GRID1: variants seen among roughly 807,000 people sequenced by gnomAD.
The protein encoded by GRID1 is glutamate receptor ionotropic, delta-1.
A neutral mutation model predicts 98.0 loss-of-function variants in GRID1; 28 were observed. The ratio of observed to expected loss-of-function variants is 0.29; its 90% CI spans 0.21 to 0.39. The LOEUF (loss-of-function observed/expected upper bound fraction) is 0.39, where lower values mean the gene tolerates loss of function less well. Among genes scored for constraint, GRID1 ranks in the 10% least tolerant of loss-of-function variants. The probability of loss-of-function intolerance (pLI) is 1.00; values close to 1 mark genes in which losing one functional copy is unlikely to be tolerated. For synonymous variants in GRID1, 553 were observed against 538.5 expected (o/e 1.03, Z -0.37); for missense variants, 1,111 against 1,340.5 (o/e 0.83, Z 2.67).
chr10:86,252,760 C>T (rs989859214), intron 2 of GRID1, among the ~76,000 whole-genome samples: 3 of 152,200 alleles, frequency 2.0e-5, no homozygotes, highest in African/African-American at 7.2e-5. Flanking sequence ...ACATTACCGT[C>T]TCTGGGGGCC....
chr10:85,984,504 C>T (rs1589324644), intron 4 of GRID1, among the ~76,000 whole-genome samples: 1 of 152,140 alleles, frequency 6.6e-6, no homozygotes, highest in East Asian at 1.9e-4. Flanking sequence ...TCCCCAGCAC[C>T]TGCAGGCAGG....
chr10:86,112,711 A>G (rs1310454280), intron 4 of GRID1, among the ~76,000 whole-genome samples: 1 of 152,174 alleles, frequency 6.6e-6, no homozygotes, highest in Non-Finnish European at 1.5e-5. Flanking sequence ...ACAACACAAA[A>G]GTGATGCTGA....
chr10:86,331,036 G>A (rs569832575), intron 2 of GRID1, among the ~76,000 whole-genome samples: 1 of 152,276 alleles, frequency 6.6e-6, no homozygotes, highest in African/African-American at 2.4e-5. Flanking sequence ...ATGAGAGAAG[G>A]GCCACCAGGG....
Position 85,786,748 on chromosome 10 carries a change from A to AC in GRID1, c.1234-57135dup, listed in dbSNP as rs1042519927. ...AGGGCCGATTAGATTAGCATGCCCCACCCCCCGCCAGGACCCGGCTGATAG... is the reference window on the plus strand; with the variant it reads ...AGGGCCGATTAGATTAGCATGCCCCACCCCCCCGCCAGGACCCGGCTGATAG... On this transcript the variant is annotated intron_variant, in intron 8 of 15. Transcript: ENST00000327946. Among the ~76,000 whole-genome samples, 11 of 152,102 alleles carry AC rather than the reference A, an allele frequency of 7.2e-5. No homozygotes were observed. In the East Asian group the frequency reaches 1.9e-3, roughly 27 times the overall value.
At chr10:86,158,626 G>A (rs1481772266) in intron 3 of GRID1, among the ~76,000 whole-genome samples, 5 of 152,222 alleles carry the variant, frequency 3.3e-5, no homozygotes, top group Admixed American at 3.3e-4. Context: ...CAATCTGGGA[G>A]GCCATGGGAT....
At chr10:86,150,814 C>G (rs11817787) in intron 3 of GRID1, among the ~76,000 whole-genome samples, 10,083 of 152,208 alleles carry the variant, frequency 0.066, 631 homozygotes, top group South Asian at 0.15. Flanking sequence ...TTCTCTCCAC[C>G]AGGTGCGCAC....
chr10:86,213,836 G>T (rs1051785059), intron 2 of GRID1, among the ~76,000 whole-genome samples: 2 of 152,126 alleles, frequency 1.3e-5, no homozygotes, highest in African/African-American at 4.8e-5. Flanking sequence ...GTGTGAGTCT[G>T]TTCTTCCCGG....
In GRID1 at chr10:86,336,848, A is replaced by ATTTT. The variant is rs4030750; in HGVS notation, c.235+27089_235+27092dup. Among the ~76,000 whole-genome samples, 280 of 143,930 alleles carry ATTTT rather than the reference A, an allele frequency of 1.9e-3. 3 individuals are homozygous for ATTTT. The highest frequency in any genetic ancestry group is 6.3e-3 in the African/African-American group (243 of 38,782). 94.4% of individuals were successfully genotyped at this position (143,930 alleles called of 152,430 possible). Reference sequence around the variant, plus strand: ...AGCCCTGCTGACTGCCTGGCCCACTATTTTTTTTTTTTTTGAGACGGAGTC... The same window carrying ATTTT: ...AGCCCTGCTGACTGCCTGGCCCACTATTTTTTTTTTTTTTTTTTGAGACGGAGTC... On this transcript the variant is annotated intron_variant, in intron 2 of 15. Coordinates refer to ENST00000327946, the MANE Select transcript of GRID1 (RefSeq NM_017551.3).
intron 8 of GRID1, among the ~76,000 whole-genome samples, chr10:85,842,449 T>A (rs1238671682): frequency 6.6e-6 from 1 of 152,044 alleles, no homozygotes; most frequent in East Asian, 1.9e-4. Flanking sequence ...AGCCTAAACA[T>A]GTATTCCTGA....
At chr10:86,320,838 G>A (rs908401944) in intron 2 of GRID1, among the ~76,000 whole-genome samples, 6 of 152,062 alleles carry the variant, frequency 3.9e-5, no homozygotes, top group Non-Finnish European at 8.8e-5. Context: ...GGTGGCTCAC[G>A]CCTGTAATCC....
At chr10:86,028,678 G>T (rs1452764404) in intron 4 of GRID1, among the ~76,000 whole-genome samples, 1 of 152,146 alleles carries the variant, frequency 6.6e-6, no homozygotes, top group Non-Finnish European at 1.5e-5. Context: ...ATACCTCTTA[G>T]CCAGTGCCCA....
intron 12 of GRID1, among the ~76,000 whole-genome samples, chr10:85,690,017 AT>A (rs1841315028): frequency 6.6e-6 from 1 of 152,170 alleles, no homozygotes; most frequent in Admixed American, 6.5e-5. Flanking sequence ...ATGTAAAATG[AT>A]TCTCAGATTT....
At chr10:86,215,728 C>T (rs1395148103) in intron 2 of GRID1, among the ~76,000 whole-genome samples, 1 of 152,220 alleles carries the variant, frequency 6.6e-6, no homozygotes, top group Non-Finnish European at 1.5e-5. Flanking sequence ...CACCTCCTCA[C>T]TCTGCCTTTG....
chr10:85,783,601 A>G (rs1842399840), intron 8 of GRID1, among the ~76,000 whole-genome samples: 1 of 152,124 alleles, frequency 6.6e-6, no homozygotes, highest in African/African-American at 2.4e-5. Context: ...AAAATGACAT[A>G]CCTTTGTAGG....
chr10:85,894,233 G>T (rs1485740729), intron 5 of GRID1, among the ~76,000 whole-genome samples: 2 of 152,058 alleles, frequency 1.3e-5, no homozygotes, highest in African/African-American at 2.4e-5. Flanking sequence ...TTCAATGGCT[G>T]GTGCTGGAAA....
intron 12 of GRID1, among the ~76,000 whole-genome samples, chr10:85,717,566 G>A (rs141038181): frequency 3.9e-5 from 6 of 152,240 alleles, no homozygotes; most frequent in African/African-American, 1.4e-4. Context: ...GGGAATTCTG[G>A]GAGATACAAT....
intron 13 of GRID1, among the ~76,000 whole-genome samples, chr10:85,636,675 G>A (rs926320739): frequency 3.3e-5 from 5 of 152,012 alleles, no homozygotes; most frequent in Non-Finnish European, 7.4e-5. Flanking sequence ...TGAAAGATAT[G>A]AGAAAGTAGA....
Position 85,724,736 on chromosome 10 carries a change from C to T in GRID1, c.1534-60G>A, listed in dbSNP as rs186086957. 5.7e-3 allele frequency: 8,232 copies of T among 1,434,620 alleles called. 46 individuals carry two copies. The highest frequency in any genetic ancestry group is 7.1e-3 in the Non-Finnish European group (7,413 of 1,047,210). The allele number at this position is 1,434,620 out of a possible 1,614,324, so 88.9% of individuals were successfully genotyped here. A position where few individuals can be genotyped will look rare whatever the true frequency, so the allele number is the denominator to read the frequency against. On this transcript the variant is annotated intron_variant, in intron 10 of 15. Transcript: ENST00000327946. ...CCTCAGCTTACTGCTGGGTTCTGCC[C>T]TGGGTCAAGGTCCACCCTCTGTCCT...
At chr10:86,155,382 T>C (rs11201915) in intron 3 of GRID1, among the ~76,000 whole-genome samples, 26,431 of 152,248 alleles carry the variant, frequency 0.17, 3,483 homozygotes, top group African/African-American at 0.36. Flanking sequence ...TTTTTATTTT[T>C]TTAACCAACT....
Sources: gnomAD v4.1 joint callset for allele counts (sites outside exome capture counted in the v4.1 genomes callset) on GRCh38, gnomAD v4.1.1 for gene constraint, MANE v1.5 for transcripts, NCBI Gene and HGNC (gene_info 2026-07-23, HGNC 2026-07-21) for gene names.